Variants in FOXK1 observed in about 807,000 individuals in gnomAD.
FOXK1 encodes forkhead box K1.
FOXK1 carries 19 observed loss-of-function variants against 51.9 expected under a neutral mutation model. The observed-to-expected ratio is 0.37, with a 90% CI of 0.26 to 0.54. The LOEUF is 0.54. Among genes scored for constraint, FOXK1 ranks in the 20% least tolerant of loss-of-function variants. FOXK1 has a pLI of 0.87. For missense variants in FOXK1, 870 were observed against 1,032.7 expected (o/e 0.84, Z 2.16); for synonymous variants, 537 against 482.6 (o/e 1.11, Z -1.48).
At chr7:4,719,376 A>G (rs1467614054) in intron 1 of FOXK1, among the ~76,000 whole-genome samples, 6 of 150,914 alleles carry the variant, frequency 4.0e-5, no homozygotes, top group Non-Finnish European at 1.5e-5. Context: ...TCAGCCTCAA[A>G]TGATCCTCCC....
chr7:4,750,909 G>A (rs1238572876), intron 2 of FOXK1, among the ~76,000 whole-genome samples: 3 of 151,772 alleles, frequency 2.0e-5, no homozygotes, highest in South Asian at 2.1e-4. Context: ...TCTCTAAATC[G>A]GGCAGGCTGG....
At chr7:4,694,531 C>T (rs1038662226) in intron 1 of FOXK1, among the ~76,000 whole-genome samples, 19 of 152,180 alleles carry the variant, frequency 1.2e-4, no homozygotes, top group African/African-American at 2.2e-4. Context: ...TCCAGACCTA[C>T]AGTTGTGATA....
rs574609630 is a variant in FOXK1 at position 4,723,630 on chromosome 7, A to G, written c.561-17208A>G. On this transcript the variant is annotated intron_variant, in intron 1 of 8. Coordinates refer to ENST00000328914, the MANE Select transcript of FOXK1 (RefSeq NM_001037165.2). The surrounding 1 kb of genome is among the most constrained non-coding windows in gnomAD (Gnocchi z 4.7). ...AGGACCGAGCGTGGAGAGTTGCAGC[A>G]GTGCAGGAAGCTTTTCCTTTCTCTC... Among the ~76,000 whole-genome samples, 134 of 152,286 alleles carry G rather than the reference A, an allele frequency of 8.8e-4. No individual in the cohort carries two copies. The highest frequency in any genetic ancestry group is 2.9e-3 in the African/African-American group (122 of 41,558).
At chr7:4,690,966 C>T (rs1476367604) in intron 1 of FOXK1, among the ~76,000 whole-genome samples, 4 of 152,072 alleles carry the variant, frequency 2.6e-5, no homozygotes, top group Admixed American at 2.6e-4. Context: ...GTTTGATTTC[C>T]TGGAAATAGG....
intron 1 of FOXK1, among the ~76,000 whole-genome samples, chr7:4,737,601 C>T (rs1345407824): frequency 6.6e-6 from 1 of 151,786 alleles, no homozygotes; most frequent in Non-Finnish European, 1.5e-5. Context: ...CAGACATGGA[C>T]ACTGTGTTCA....
Position 4,705,988 on chromosome 7 carries a change from ATATACG to A in FOXK1, c.560+23125_560+23130del, listed in dbSNP as rs1398198815. Among the ~76,000 whole-genome samples the A allele has an allele frequency of 7.4e-3, 782 of 104,968 alleles. 71 individuals are homozygous for A. The highest frequency in any genetic ancestry group is 0.04 in the African/African-American group (730 of 18,348). The allele number at this position is 104,968 out of a possible 152,430, so 68.9% of individuals were successfully genotyped here. On this transcript the variant is annotated intron_variant, in intron 1 of 8. Coordinates refer to ENST00000328914, the MANE Select transcript of FOXK1 (RefSeq NM_001037165.2). The stretch of plus-strand genomic sequence containing the variant: ...TATATATATACGTATATATACGTAT[ATATACG>A]TATATATACGTATATATACGTATAT...
chr7:4,688,248 C>G (rs1163722340), intron 1 of FOXK1, among the ~76,000 whole-genome samples: 1 of 133,782 alleles, frequency 7.5e-6, no homozygotes, highest in Non-Finnish European at 1.6e-5. Context: ...ACCAAAATTT[C>G]TAGAAGATAA....
chr7:4,731,481 C>T lies in FOXK1; in HGVS notation c.561-9357C>T, dbSNP rs1183582427. Among the ~76,000 whole-genome samples the T allele has an allele frequency of 6.6e-6, 1 of 152,058 alleles. No individual in the cohort carries two copies. Among genetic ancestry groups the T allele is most frequent in the Non-Finnish European group, 1.5e-5 (1 of 68,008 alleles). ...AACCTTTTGAAAAGAGAGAGGCGGCCGGGCACAGTGGCTCACGCCTGTAAT... is the reference window on the plus strand; with the variant it reads ...AACCTTTTGAAAAGAGAGAGGCGGCTGGGCACAGTGGCTCACGCCTGTAAT... On this transcript the variant is annotated intron_variant, in intron 1 of 8. Coordinates refer to ENST00000328914, the MANE Select transcript of FOXK1 (RefSeq NM_001037165.2). The surrounding 1 kb of genome is among the most constrained non-coding windows in gnomAD (Gnocchi z 5.3).
chr7:4,694,939 C>T (rs1027732073), intron 1 of FOXK1, among the ~76,000 whole-genome samples: 3 of 152,230 alleles, frequency 2.0e-5, no homozygotes, highest in Non-Finnish European at 2.9e-5. Context: ...ATTAGGGAAC[C>T]TCCTGCGCCT....
At chr7:4,742,303 C>G (rs1351881207) in intron 2 of FOXK1, among the ~76,000 whole-genome samples, 1 of 152,242 alleles carries the variant, frequency 6.6e-6, no homozygotes, top group Non-Finnish European at 1.5e-5. Flanking sequence ...CTGTGGCAAT[C>G]CCAGGCTGGT....
rs932077719 is a variant in FOXK1, at chr7:4,762,062, C to T, written c.1922-122C>T. 8.4e-7 allele frequency: 1 copy of T among 1,191,704 alleles called. No individual in the cohort carries two copies. Among genetic ancestry groups the T allele is most frequent in the African/African-American group, 1.5e-5 (1 of 64,938 alleles). 73.8% of individuals were successfully genotyped at this position (1,191,704 alleles called of 1,614,324 possible). Reference sequence around the variant, plus strand: ...AGCAGAGCAAGGGTAGCCGTCCTGCCTGGCAGGGGTGCACTGACCTCCGGT... The same window carrying T: ...AGCAGAGCAAGGGTAGCCGTCCTGCTTGGCAGGGGTGCACTGACCTCCGGT... On this transcript the variant is annotated intron_variant, in intron 8 of 8. Coordinates refer to ENST00000328914, the MANE Select transcript of FOXK1 (RefSeq NM_001037165.2). This position sits in a 1 kb window ranked among gnomAD's most constrained non-coding sequence, Gnocchi z 5.7.
chr7:4,765,467 C>T lies in FOXK1; in HGVS notation c.*3003C>T, dbSNP rs980308195. On this transcript the variant is annotated 3_prime_UTR_variant, in exon 9 of 9. Transcript: ENST00000328914. The stretch of plus-strand genomic sequence containing the variant: ...CCCTGAGCCGTGTGGAGCCAGGACC[C>T]AAGAACCTTCTCTAGGTTCTCAAGG... The T allele has an allele frequency of 1.6e-4, 24 of 152,438 alleles. No individual in the cohort carries two copies. The highest frequency in any genetic ancestry group is 5.8e-4 in the African/African-American group (24 of 41,586). The allele number at this position is 152,438 out of a possible 1,614,324, so 9.4% of individuals were successfully genotyped here. A position where few individuals can be genotyped will look rare whatever the true frequency, so the allele number is the denominator to read the frequency against.
In FOXK1 at chr7:4,757,167, C is replaced by T. The variant is rs1027887223; in HGVS notation, c.1224C>T (p.Pro408=). ...GGGGTGTCTCCTGCTTCCGCACCCC[C>T]TTCGGGCCTCTGTCCTCAAGGTAAA... ...RQRGVSCFRT[P]FGPLSSRSAP... The change falls in exon 5 of 9, where the codon CCC becomes CCT. Residue 408 remains proline, a synonymous_variant. Transcript: ENST00000328914. 2 of 1,609,082 alleles carry T rather than the reference C, an allele frequency of 1.2e-6. No homozygotes were observed. Among genetic ancestry groups the T allele is most frequent in the Non-Finnish European group, 1.7e-6 (2 of 1,178,232 alleles).
intron 1 of FOXK1, among the ~76,000 whole-genome samples, chr7:4,694,565 C>A (rs1779929992): frequency 6.6e-6 from 1 of 152,234 alleles, no homozygotes; most frequent in African/African-American, 2.4e-5. Context: ...GCCCCGCCCA[C>A]AGACCCCAAC....
rs748870695 is a variant in FOXK1 at position 4,733,514 on chromosome 7, C to T, written c.561-7324C>T. Among the ~76,000 whole-genome samples the T allele has an allele frequency of 3.3e-5, 5 of 152,222 alleles. No individual in the cohort carries two copies. The highest frequency in any genetic ancestry group is 4.8e-5 in the African/African-American group (2 of 41,460). The stretch of plus-strand genomic sequence containing the variant: ...GAAGGCCCTTGGTTCCTCATATAGA[C>T]ATGACCCATTTGTATCCCATTGACC... On this transcript the variant is annotated intron_variant, in intron 1 of 8. Transcript: ENST00000328914. This position sits in a 1 kb window ranked among gnomAD's most constrained non-coding sequence, Gnocchi z 5.0.
chr7:4,727,043 C>G (rs1780389708), intron 1 of FOXK1, among the ~76,000 whole-genome samples: 1 of 152,158 alleles, frequency 6.6e-6, no homozygotes, highest in African/African-American at 2.4e-5. Flanking sequence ...TTCCTGGGCT[C>G]AAGTGATCCT....
At chr7:4,720,488 C>G (rs1045899318) in intron 1 of FOXK1, among the ~76,000 whole-genome samples, 2 of 152,090 alleles carry the variant, frequency 1.3e-5, no homozygotes, top group African/African-American at 4.8e-5. Context: ...TGTGTGAGCC[C>G]ATTCATTGAG....
chr7:4,736,312 A>G (rs1780551606), intron 1 of FOXK1, among the ~76,000 whole-genome samples: 1 of 152,142 alleles, frequency 6.6e-6, no homozygotes, highest in African/African-American at 2.4e-5. Context: ...ATTGTCATCT[A>G]TAGATGGCAT....
In FOXK1 at chr7:4,707,902, A is replaced by G. The variant is rs1780125004; in HGVS notation, c.560+25034A>G. Reference sequence around the variant, plus strand: ...TTTCACCATGTTGGCCAGGCTGGTCACGAACTCCTGCCCCAAGTGATCCAC... The same window carrying G: ...TTTCACCATGTTGGCCAGGCTGGTCGCGAACTCCTGCCCCAAGTGATCCAC... On this transcript the variant is annotated intron_variant, in intron 1 of 8. Coordinates refer to ENST00000328914, the MANE Select transcript of FOXK1 (RefSeq NM_001037165.2). This position sits in a 1 kb window ranked among gnomAD's most constrained non-coding sequence, Gnocchi z 4.1. Among the ~76,000 whole-genome samples, 1 of 151,948 alleles carries G rather than the reference A, an allele frequency of 6.6e-6. No homozygotes were observed. The highest frequency in any genetic ancestry group is 1.5e-5 in the Non-Finnish European group (1 of 67,982).
Sources: allele counts gnomAD v4.1 joint callset (sites outside exome capture counted in the v4.1 genomes callset), GRCh38; gene constraint gnomAD v4.1.1; non-coding constraint Gnocchi (gnomAD v3.1); transcripts MANE v1.5; gene names NCBI Gene and HGNC (gene_info 2026-07-23, HGNC 2026-07-21).